Variants in ERG observed in about 807,000 individuals in gnomAD.
The protein encoded by ERG is ETS transcription factor ERG.
A neutral mutation model predicts 55.3 loss-of-function variants in ERG; 9 were observed. That is an observed-to-expected ratio of 0.16 (90% CI 0.10 to 0.28). ERG has a LOEUF of 0.28. Ranked by LOEUF, ERG falls within the 10% of genes least tolerant of loss-of-function variation. The pLI, the probability that ERG is intolerant of heterozygous loss-of-function variation, is 1.00. For synonymous variants in ERG, 223 were observed against 237.3 expected (o/e 0.94, Z 0.55); for missense variants, 434 against 631.6 (o/e 0.69, Z 3.35).
At chr21:38,455,671 A>G (rs978749356) in intron 1 of ERG, among the ~76,000 whole-genome samples, 1 of 152,138 alleles carries the variant, frequency 6.6e-6, no homozygotes, top group Non-Finnish European at 1.5e-5. Flanking sequence ...TTCTGGCACA[A>G]TGGAAAACCC....
intron 3 of ERG, among the ~76,000 whole-genome samples, chr21:38,414,225 A>T (rs1030460090): frequency 6.6e-6 from 1 of 152,128 alleles, no homozygotes; most frequent in Admixed American, 6.5e-5. Flanking sequence ...CTGTGTTTCC[A>T]TATCATCTTC....
chr21:38,467,215 A>G (rs2059099007), intron 1 of ERG, among the ~76,000 whole-genome samples: 1 of 152,212 alleles, frequency 6.6e-6, no homozygotes, highest in Non-Finnish European at 1.5e-5. Flanking sequence ...CAAAAGCAAG[A>G]GGCTTGTCAA....
intron 2 of ERG, among the ~76,000 whole-genome samples, chr21:38,506,018 G>T (rs1021336918): frequency 1.2e-4 from 5 of 43,444 alleles, no homozygotes; most frequent in Non-Finnish European, 2.1e-4. Context: ...ATGCAGAAAT[G>T]GTGTTTTTTT....
chr21:38,447,907 C>A (rs2836411), intron 1 of ERG, among the ~76,000 whole-genome samples: 7 of 151,598 alleles, frequency 4.6e-5, no homozygotes, highest in African/African-American at 1.5e-4. Flanking sequence ...CAGAAATTGG[C>A]GAAAACAGGT....
At chr21:38,553,798 AGC>A (rs1429051964) in intron 2 of ERG, among the ~76,000 whole-genome samples, 2 of 151,664 alleles carry the variant, frequency 1.3e-5, no homozygotes, top group Non-Finnish European at 1.5e-5. Flanking sequence ...AGACTCCAAA[AGC>A]AATGGCAACA....
chr21:38,404,604 C>A (rs1029805821), intron 3 of ERG, among the ~76,000 whole-genome samples: 19 of 152,200 alleles, frequency 1.2e-4, no homozygotes, highest in African/African-American at 4.6e-4. Flanking sequence ...CCCTGAGAGA[C>A]ACATGGGCAG....
chr21:38,622,798 A>G (rs1038182162), intron 1 of ERG, among the ~76,000 whole-genome samples: 1 of 147,006 alleles, frequency 6.8e-6, no homozygotes, highest in Non-Finnish European at 1.5e-5. Context: ...CCATACCACA[A>G]ACACACACAA....
chr21:38,658,338 G>C (rs1356690812), intron 1 of ERG, among the ~76,000 whole-genome samples: 1 of 152,158 alleles, frequency 6.6e-6, no homozygotes, highest in Non-Finnish European at 1.5e-5. Context: ...AACGTAGGTG[G>C]CTCTGTGTCG....
intron 1 of ERG, among the ~76,000 whole-genome samples, chr21:38,477,007 CTTTTTT>C (rs397867221): frequency 5.9e-4 from 50 of 84,170 alleles, no homozygotes; most frequent in Middle Eastern, 0.012. Flanking sequence ...TCTTTCTTTC[CTTTTTT>C]TTTTTTTTTT....
chr21:38,571,608 C>T (rs985961054), intron 2 of ERG, among the ~76,000 whole-genome samples: 6 of 152,158 alleles, frequency 3.9e-5, no homozygotes, highest in Non-Finnish European at 7.4e-5. Context: ...TGCTTCAAGA[C>T]AGTCACTATT....
intron 2 of ERG, among the ~76,000 whole-genome samples, chr21:38,508,372 G>A (rs1397182274): frequency 6.6e-6 from 1 of 151,978 alleles, no homozygotes; most frequent in African/African-American, 2.4e-5. Context: ...TGAGCTAATA[G>A]TACCTGTAAG....
At chr21:38,575,634 C>A (rs2059990070) in intron 2 of ERG, 2 of 1,573,548 alleles carry the variant, frequency 1.3e-6, no homozygotes, top group Admixed American at 1.7e-5. Context: ...GAAGGCAGAG[C>A]TGGCTTCCCA....
At chr21:38,556,970 A>G (rs1386206099) in intron 2 of ERG, among the ~76,000 whole-genome samples, 1 of 152,162 alleles carries the variant, frequency 6.6e-6, no homozygotes, top group Non-Finnish European at 1.5e-5. Flanking sequence ...CCAATCATCC[A>G]AGGTTACCCA....
downstream of ERG, among the ~76,000 whole-genome samples, chr21:38,377,268 A>G (rs1356434774): frequency 6.6e-6 from 1 of 152,224 alleles, no homozygotes; most frequent in Non-Finnish European, 1.5e-5. Flanking sequence ...TTAAAGGAGA[A>G]AATGATATCC....
chr21:38,482,694 T>C (rs1246848649), intron 1 of ERG, among the ~76,000 whole-genome samples: 1 of 152,104 alleles, frequency 6.6e-6, no homozygotes, highest in Non-Finnish European at 1.5e-5. Context: ...TTTTTTTTTT[T>C]TGAGATGGAA....
intron 2 of ERG, among the ~76,000 whole-genome samples, chr21:38,505,678 C>T (rs2059455205): frequency 6.6e-6 from 1 of 152,190 alleles, no homozygotes; most frequent in Non-Finnish European, 1.5e-5. Flanking sequence ...GGTTTTCCCA[C>T]TGCGCGGTTG....
chr21:38,582,103 T>G (rs191302032), intron 1 of ERG, among the ~76,000 whole-genome samples: 73 of 151,792 alleles, frequency 4.8e-4, no homozygotes, highest in African/African-American at 1.6e-3. Flanking sequence ...CTTCCAGACC[T>G]TGCCCTGTGC....
rs185078262 is a variant in ERG at position 38,563,019 on chromosome 21, T to C, written c.-41+12643A>G. On this transcript the variant is annotated intron_variant, in intron 2 of 8. Coordinates refer to the ERG transcript ENST00000398897. Reference sequence around the variant, plus strand: ...CACATTACTATACCAGATAAGAAAATCTGAAAAGGCTACATAGTGTATGAT... The same window carrying C: ...CACATTACTATACCAGATAAGAAAACCTGAAAAGGCTACATAGTGTATGAT... Among the ~76,000 whole-genome samples, 390 of 152,136 alleles carry C rather than the reference T, an allele frequency of 2.6e-3. 1 individual carries two copies. Among genetic ancestry groups the C allele is most frequent in the Non-Finnish European group, 4.8e-3 (327 of 67,992 alleles).
chr21:38,481,082 C>T (rs1372653641), intron 1 of ERG, among the ~76,000 whole-genome samples: 2 of 152,096 alleles, frequency 1.3e-5, no homozygotes, highest in Non-Finnish European at 1.5e-5. Context: ...TATACTGAGC[C>T]AAAATATAAT....
Sources: allele counts gnomAD v4.1 joint callset (sites outside exome capture counted in the v4.1 genomes callset), GRCh38; gene constraint gnomAD v4.1.1; transcripts MANE v1.5; gene names NCBI Gene and HGNC (gene_info 2026-07-23, HGNC 2026-07-21).